Variants in CAGE1 observed in about 807,000 individuals in gnomAD.
The protein encoded by CAGE1 is cancer antigen 1.
In CAGE1, 66 loss-of-function variants were observed where a neutral mutation model predicts 94.9. The ratio of observed to expected loss-of-function variants is 0.70; its 90% CI spans 0.57 to 0.85. The LOEUF (loss-of-function observed/expected upper bound fraction) is 0.85. Ranked by LOEUF, CAGE1 falls within the 40% of genes least tolerant of loss-of-function variation. CAGE1 has a pLI of 0.00. For synonymous variants in CAGE1, 319 were observed against 321.0 expected, an observed-to-expected ratio of 0.99 and a Z score of 0.07; for missense variants, 865 against 950.4, an observed-to-expected ratio of 0.91 and a Z score of 1.18.
At position 7,373,577 on chromosome 6, in the gene CAGE1, C is replaced by A; in HGVS notation, c.1242G>T (p.Lys414Asn). The A allele has an allele frequency of 6.2e-7, 1 of 1,613,408 alleles. No individual in the cohort carries two copies. ...EMLQLQFKKI[K>N]ANYVCLQERY... ...TTTCCTGTAAACACACATAATTAGCCTTGATCTTCTTAAATTGAAGCTGTA... is the reference window on the plus strand; with the variant it reads ...TTTCCTGTAAACACACATAATTAGCATTGATCTTCTTAAATTGAAGCTGTA... Residue 414 changes from lysine (K) to asparagine (N), a missense_variant, in exon 5 of 14, where the codon AAG becomes AAT. Lys to Asn is a moderately conservative substitution (Grantham distance 94). Coordinates refer to ENST00000502583, the MANE Select transcript of CAGE1 (RefSeq NM_001170692.2).
At chr6:7,361,937 G>A (rs2714330) in intron 9 of CAGE1, among the ~76,000 whole-genome samples, 56,683 of 152,032 alleles carry the variant, frequency 0.37, 10,731 homozygotes, top group Admixed American at 0.43. Flanking sequence ...CAGAGAGGCC[G>A]GCAAACTATA....
At chr6:7,382,945 A>G (rs1276817548) in intron 3 of CAGE1, among the ~76,000 whole-genome samples, 1 of 152,158 alleles carries the variant, frequency 6.6e-6, no homozygotes, top group Admixed American at 6.5e-5. Flanking sequence ...TTCTGTTGTC[A>G]CAAAGGCATT....
At position 7,362,001 on chromosome 6, in the gene CAGE1, G is replaced by A. The variant is rs1227459520; in HGVS notation, c.2193+3467C>T. 6.6e-6 allele frequency among the ~76,000 whole-genome samples: 1 copy of A among 152,162 alleles called. No homozygotes were observed. The highest frequency in any genetic ancestry group is 2.4e-5 in the African/African-American group (1 of 41,442). On this transcript the variant is annotated intron_variant, in intron 9 of 13. Coordinates refer to ENST00000502583, the MANE Select transcript of CAGE1 (RefSeq NM_001170692.2). The surrounding 1 kb of genome is among the most constrained non-coding windows in gnomAD (Gnocchi z 4.1). ...ATCCAGATACAGGTGGGTCCCTTTG[G>A]TCATTCAAGTGGACCACAAGATACT...
At position 7,373,746 on chromosome 6, in the gene CAGE1, T is replaced by C. The variant is rs1451490039; in HGVS notation, c.1073A>G (p.Lys358Arg). The C allele has an allele frequency of 6.2e-7, 1 of 1,613,476 alleles. No individual in the cohort carries two copies. Among genetic ancestry groups the C allele is most frequent in the East Asian group, 2.2e-5 (1 of 44,884 alleles). ...QVFIDVINKL[K>R]ENVEELIEDK... ...TTCAATTAATTCTTCAACATTCTCCTTTAGCTTATTGATGACATCAATGAA... is the reference window on the plus strand; with the variant it reads ...TTCAATTAATTCTTCAACATTCTCCCTTAGCTTATTGATGACATCAATGAA... Residue 358 changes from lysine to arginine, a missense_variant, in exon 5 of 14, where the codon AAG becomes AGG. Coordinates refer to ENST00000502583, the MANE Select transcript of CAGE1 (RefSeq NM_001170692.2).
At chr6:7,370,220 A>G (rs1371300351) in intron 5 of CAGE1, among the ~76,000 whole-genome samples, 155 bp from the exon 6 acceptor site, 1 of 152,206 alleles carries the variant, frequency 6.6e-6, no homozygotes, top group Non-Finnish European at 1.5e-5. Flanking sequence ...AAAACTGAGA[A>G]TATTTTTAAA....
chr6:7,377,731 C>T (rs555541352), intron 4 of CAGE1, among the ~76,000 whole-genome samples: 15 of 151,944 alleles, frequency 9.9e-5, no homozygotes, highest in African/African-American at 1.9e-4. Context: ...AGTGAGACTC[C>T]GTATCAAAAA....
intron 10 of CAGE1, 28 bp from the exon 11 acceptor site, chr6:7,355,139 T>G: frequency 6.8e-7 from 1 of 1,475,908 alleles, no homozygotes; most frequent in Non-Finnish European, 9.3e-7. Context: ...AAACCAATTA[T>G]TTTTCATTCT....
chr6:7,334,017 C>G lies in CAGE1; in HGVS notation c.2438+5G>C, dbSNP rs1467911947. The G allele has an allele frequency of 6.6e-7, 1 of 1,508,692 alleles. No homozygotes were observed. Among genetic ancestry groups the G allele is most frequent in the Non-Finnish European group, 9.0e-7 (1 of 1,111,672 alleles). 93.5% of individuals were successfully genotyped at this position (1,508,692 alleles called of 1,614,324 possible). ...TATTAATTTTAAAAATAAAGGGAAA[C>G]TTACCTTGGTTTTCTGGCTTTTTCT... On this transcript the variant is annotated splice_donor_5th_base_variant and intron_variant, in intron 12 of 13. Coordinates refer to ENST00000502583, the MANE Select transcript of CAGE1 (RefSeq NM_001170692.2).
At chr6:7,344,012 C>T (rs977866770) in intron 11 of CAGE1, among the ~76,000 whole-genome samples, 4 of 152,356 alleles carry the variant, frequency 2.6e-5, no homozygotes, top group Admixed American at 2.6e-4. Context: ...ACAGACAGAT[C>T]TGGACTTAAG....
chr6:7,352,091 C>T (rs1164542815), intron 11 of CAGE1, among the ~76,000 whole-genome samples: 1 of 152,076 alleles, frequency 6.6e-6, no homozygotes, highest in Non-Finnish European at 1.5e-5. Context: ...GGAAGTCAAA[C>T]TGTCACTGTT....
At chr6:7,366,024 T>C in intron 7 of CAGE1, 140 bp from the exon 8 acceptor site, 1 of 545,316 alleles carries the variant, frequency 1.8e-6, no homozygotes, top group South Asian at 2.4e-5. Context: ...GGCGGGTGGA[T>C]CACCTCAGGT....
chr6:7,329,562 A>C (rs1758672686), intron 13 of CAGE1, among the ~76,000 whole-genome samples: 2 of 152,228 alleles, frequency 1.3e-5, no homozygotes, highest in Admixed American at 1.3e-4. Context: ...CTGGAGGCAG[A>C]AACAATAATT....
intron 7 of CAGE1, among the ~76,000 whole-genome samples, chr6:7,367,421 T>C (rs1057256049): frequency 2.0e-5 from 3 of 151,904 alleles, no homozygotes; most frequent in African/African-American, 7.3e-5. Flanking sequence ...GACACAGGTG[T>C]GTGCCACCAC....
At chr6:7,345,427 G>A (rs749270107) in intron 11 of CAGE1, among the ~76,000 whole-genome samples, 4 of 152,158 alleles carry the variant, frequency 2.6e-5, no homozygotes, top group South Asian at 4.1e-4. Context: ...CACTGCAGGG[G>A]TCTGTGGTTT....
intron 9 of CAGE1, among the ~76,000 whole-genome samples, chr6:7,364,197 T>G (rs1213564701): frequency 6.6e-6 from 1 of 152,176 alleles, no homozygotes; most frequent in Non-Finnish European, 1.5e-5. Flanking sequence ...ATTTTACTGG[T>G]CTTTAAGACC....
intron 11 of CAGE1, 145 bp from the exon 12 acceptor site, chr6:7,334,235 T>C (rs1758870856): frequency 3.7e-6 from 2 of 540,680 alleles, no homozygotes; most frequent in Admixed American, 7.0e-5. Context: ...ATATAGAAAC[T>C]TGGGATTCTT....
intron 9 of CAGE1, among the ~76,000 whole-genome samples, chr6:7,356,607 T>C (rs1025013079): frequency 1.3e-5 from 2 of 152,208 alleles, no homozygotes; most frequent in African/African-American, 4.8e-5. Flanking sequence ...TTTCATTTTC[T>C]GACCTATGGT....
chr6:7,381,446 T>A (rs1376600799), intron 3 of CAGE1, among the ~76,000 whole-genome samples: 2 of 152,214 alleles, frequency 1.3e-5, no homozygotes, highest in Non-Finnish European at 2.9e-5. Flanking sequence ...TCAATTTCTG[T>A]TGTTTACACT....
At chr6:7,387,567 A>G (rs1761160851) in intron 1 of CAGE1, among the ~76,000 whole-genome samples, 1 of 142,024 alleles carries the variant, frequency 7.0e-6, no homozygotes, top group South Asian at 2.3e-4. Context: ...CTCACTACCA[A>G]GTCAAACCCA....
Sources: gnomAD v4.1 joint callset for allele counts (sites outside exome capture counted in the v4.1 genomes callset) on GRCh38, gnomAD v4.1.1 for gene constraint, Gnocchi (gnomAD v3.1) non-coding constraint, MANE v1.5 for transcripts, NCBI Gene and HGNC (gene_info 2026-07-23, HGNC 2026-07-21) for gene names.